The following CPQ variants were observed in gnomAD, a reference collection of about 807,000 sequenced individuals.
CPQ encodes the protein Ser-Met dipeptidase.
Under a neutral mutation model 45.7 loss-of-function variants are expected in CPQ, and 37 were observed. That is an observed-to-expected ratio of 0.81 (90% confidence interval 0.62 to 1.07). The LOEUF (loss-of-function observed/expected upper bound fraction) is 1.07. Among genes scored for constraint, CPQ ranks in the 50% least tolerant of loss-of-function variants. CPQ has a pLI of 0.00. For missense variants in CPQ, 537 were observed against 572.9 expected (o/e 0.94, Z 0.64); for synonymous variants, 186 against 205.8 (o/e 0.90, Z 0.82).
At chr8:96,844,003 T>C (rs543671650) in intron 3 of CPQ, among the ~76,000 whole-genome samples, 1 of 152,366 alleles carries the variant, frequency 6.6e-6, no homozygotes, top group Admixed American at 6.5e-5. Flanking sequence ...TTTGCATTCA[T>C]AATTGTAAAA....
Position 96,971,540 on chromosome 8 carries a change from G to T in CPQ, c.961+5494G>T, listed in dbSNP as rs536028223. Among the ~76,000 whole-genome samples the T allele has an allele frequency of 1.7e-4, 26 of 152,110 alleles. No homozygotes were observed. In the East Asian group the frequency reaches 5.0e-3, roughly 29 times the overall value. On this transcript the variant is annotated intron_variant, in intron 5 of 7. Coordinates refer to ENST00000220763, the MANE Select transcript of CPQ (RefSeq NM_016134.4). Reference sequence around the variant, plus strand: ...CATGAACTCTCCCTATTGCCATGTTGGATACGCTTTCTGCACAATTATTTG... The same window carrying T: ...CATGAACTCTCCCTATTGCCATGTTTGATACGCTTTCTGCACAATTATTTG...
intron 3 of CPQ, among the ~76,000 whole-genome samples, chr8:96,863,476 A>G (rs1811957298): frequency 6.6e-6 from 1 of 152,078 alleles, no homozygotes; most frequent in Admixed American, 6.6e-5. Context: ...TGAGGAGGCA[A>G]TAGAGATAGT....
intron 3 of CPQ, among the ~76,000 whole-genome samples, chr8:96,844,332 C>G (rs890743895): frequency 6.6e-6 from 1 of 152,182 alleles, no homozygotes; most frequent in Non-Finnish European, 1.5e-5. Flanking sequence ...TTAAAGTCCT[C>G]TTGCATCCAT....
chr8:96,712,316 G>A (rs2130754610), intron 1 of CPQ, among the ~76,000 whole-genome samples: 1 of 152,284 alleles, frequency 6.6e-6, no homozygotes, highest in Non-Finnish European at 1.5e-5. Flanking sequence ...TCTGGTATCT[G>A]GAGGACAGTG....
intron 2 of CPQ, among the ~76,000 whole-genome samples, chr8:96,829,534 G>A (rs1811423005): frequency 6.6e-6 from 1 of 152,104 alleles, no homozygotes; most frequent in Admixed American, 6.6e-5. Context: ...CCCACTGTCT[G>A]TTTTGGGGCC....
chr8:96,854,522 C>T (rs1428595178), intron 3 of CPQ, among the ~76,000 whole-genome samples: 2 of 37,926 alleles, frequency 5.3e-5, no homozygotes, highest in East Asian at 1.7e-3. Flanking sequence ...CAGAGCGAGA[C>T]TCCGTCTCAA....
At chr8:96,792,613 C>T (rs138038658) in intron 2 of CPQ, among the ~76,000 whole-genome samples, 80 of 152,246 alleles carry the variant, frequency 5.3e-4, no homozygotes, top group East Asian at 4.4e-3. Flanking sequence ...GGGCTCCTGG[C>T]GGCCTGGACT....
intron 5 of CPQ, among the ~76,000 whole-genome samples, chr8:96,997,621 A>G (rs907095857): frequency 5.9e-5 from 9 of 152,028 alleles, no homozygotes; most frequent in African/African-American, 1.4e-4. Context: ...AAGCTTCTCA[A>G]TGAGTGTATA....
At chr8:97,111,629 C>T (rs1174667831) in intron 7 of CPQ, among the ~76,000 whole-genome samples, 3 of 152,166 alleles carry the variant, frequency 2.0e-5, no homozygotes, top group African/African-American at 7.2e-5. Flanking sequence ...CATCACTTAC[C>T]AGTCAGTCAA....
intron 7 of CPQ, among the ~76,000 whole-genome samples, chr8:97,141,375 C>T (rs1432790067): frequency 1.3e-5 from 2 of 151,992 alleles, no homozygotes; most frequent in Admixed American, 6.6e-5. Context: ...AATGCATGAA[C>T]AAGAACTTCA....
chr8:96,718,606 C>T (rs1368461793), intron 1 of CPQ, among the ~76,000 whole-genome samples: 2 of 152,146 alleles, frequency 1.3e-5, no homozygotes, highest in Non-Finnish European at 2.9e-5. Flanking sequence ...ACAAAGCTTC[C>T]ACAGCGTGGA....
At chr8:97,049,903 G>A (rs2130504649) in intron 6 of CPQ, among the ~76,000 whole-genome samples, 1 of 152,262 alleles carries the variant, frequency 6.6e-6, no homozygotes, top group Non-Finnish European at 1.5e-5. Context: ...GGTGCTAAAG[G>A]TGTACCCTTG....
chr8:97,090,291 A>G (rs1437683529), intron 7 of CPQ, among the ~76,000 whole-genome samples: 4 of 152,182 alleles, frequency 2.6e-5, no homozygotes, highest in African/African-American at 4.8e-5. Context: ...ACATAATTCC[A>G]ATGCTCTGAC....
intron 7 of CPQ, among the ~76,000 whole-genome samples, chr8:97,077,135 A>G (rs765066336): frequency 1.6e-4 from 25 of 152,168 alleles, no homozygotes; most frequent in Non-Finnish European, 3.5e-4. Flanking sequence ...GCACACCTCA[A>G]TCTGTGGTAC....
At chr8:96,744,065 CT>C (rs1433609159) in intron 1 of CPQ, among the ~76,000 whole-genome samples, 5 of 152,268 alleles carry the variant, frequency 3.3e-5, no homozygotes, top group African/African-American at 1.2e-4. Context: ...GCGGGCGCCC[CT>C]CCCCCAGCCT....
intron 6 of CPQ, among the ~76,000 whole-genome samples, chr8:97,051,538 T>C (rs991379914): frequency 6.6e-6 from 1 of 152,234 alleles, no homozygotes; most frequent in Non-Finnish European, 1.5e-5. Flanking sequence ...TACTGAAGTT[T>C]GTTGCTTACA....
intron 1 of CPQ, among the ~76,000 whole-genome samples, chr8:96,777,692 T>G (rs1810623907): frequency 7.1e-6 from 1 of 140,640 alleles, no homozygotes; most frequent in Non-Finnish European, 1.5e-5. Context: ...AATTTTCCTA[T>G]GTATGGTGAC....
intron 6 of CPQ, among the ~76,000 whole-genome samples, chr8:97,034,523 T>G (rs961903107): frequency 1.3e-5 from 2 of 152,234 alleles, no homozygotes; most frequent in African/African-American, 4.8e-5. Flanking sequence ...GAAGCTTCTT[T>G]TAGAAGCAAC....
intron 5 of CPQ, among the ~76,000 whole-genome samples, chr8:96,999,179 A>T (rs932529356): frequency 6.6e-6 from 1 of 151,798 alleles, no homozygotes; most frequent in Non-Finnish European, 1.5e-5. Flanking sequence ...CCTAGATTTT[A>T]ACAAAGTCAA....
Sources: allele counts gnomAD v4.1 joint callset (sites outside exome capture counted in the v4.1 genomes callset), GRCh38; gene constraint gnomAD v4.1.1; transcripts MANE v1.5; gene names NCBI Gene and HGNC (gene_info 2026-07-23, HGNC 2026-07-21).